Variants in ARHGEF7 observed in about 807,000 individuals in gnomAD.
The protein encoded by ARHGEF7 is PAK-interacting exchange factor beta.
A neutral mutation model predicts 109.8 loss-of-function variants in ARHGEF7; 33 were observed. The ratio of observed to expected loss-of-function variants is 0.30; its 90% confidence interval spans 0.23 to 0.40. The LOEUF (loss-of-function observed/expected upper bound fraction) is 0.40, where lower values mean the gene tolerates loss of function less well. ARHGEF7 is among the 10% of genes least tolerant of loss of function. The pLI, the probability that ARHGEF7 is intolerant of heterozygous loss-of-function variation, is 1.00. For missense variants in ARHGEF7, 938 were observed against 1,098.5 expected (o/e 0.85, Z 2.07); for synonymous variants, 458 against 424.6 (o/e 1.08, Z -0.97).
rs1222778080 is a variant in ARHGEF7, at chr13:111,221,589, C to CTA, written c.670+3716_670+3717dup. On this transcript the variant is annotated intron_variant, in intron 5 of 21. Coordinates refer to ENST00000646102, the MANE Select transcript of ARHGEF7 (RefSeq NM_001354046.2). The stretch of plus-strand genomic sequence containing the variant: ...TATATAGATACATATCTATATATAT[C>CTA]TATATATAGATATATATCTCCCCTT... 3.5e-4 allele frequency among the ~76,000 whole-genome samples: 24 copies of CTA among 69,440 alleles called. 1 individual carries two copies. Among genetic ancestry groups the CTA allele is most frequent in the East Asian group, 4.8e-3 (1 of 210 alleles). 45.6% of individuals were successfully genotyped at this position (69,440 alleles called of 152,430 possible).
At chr13:111,171,689 G>T (rs749640789) in intron 2 of ARHGEF7, among the ~76,000 whole-genome samples, 3 of 152,174 alleles carry the variant, frequency 2.0e-5, no homozygotes, top group Non-Finnish European at 4.4e-5. Flanking sequence ...GATTTCAAGA[G>T]AAAAAGGAAT....
At chr13:111,177,669 C>T (rs1341985195) in intron 2 of ARHGEF7, among the ~76,000 whole-genome samples, 3 of 152,206 alleles carry the variant, frequency 2.0e-5, no homozygotes, top group Non-Finnish European at 4.4e-5. Context: ...GGGACTGTCA[C>T]TGGGAAGGCC....
chr13:111,173,647 G>A (rs1444106641), intron 2 of ARHGEF7, among the ~76,000 whole-genome samples: 11 of 152,332 alleles, frequency 7.2e-5, no homozygotes, highest in Non-Finnish European at 1.5e-5. Context: ...GCACATTTTG[G>A]ATGTGCTGTT....
intron 5 of ARHGEF7, among the ~76,000 whole-genome samples, chr13:111,226,249 G>A (rs1056878111): frequency 1.3e-5 from 2 of 152,210 alleles, no homozygotes; most frequent in African/African-American, 4.8e-5. Context: ...TAGTGCATGA[G>A]GTTGAAGGAA....
chr13:111,180,268 T>A (rs2078608759), intron 2 of ARHGEF7, among the ~76,000 whole-genome samples: 1 of 152,190 alleles, frequency 6.6e-6, no homozygotes, highest in African/African-American at 2.4e-5. Flanking sequence ...ACTTCTGAGG[T>A]CTGTTTTACT....
intron 1 of ARHGEF7, among the ~76,000 whole-genome samples, chr13:111,126,316 C>T (rs530133110): frequency 1.3e-5 from 2 of 152,266 alleles, no homozygotes; most frequent in East Asian, 3.9e-4. Context: ...CATGGTAAAA[C>T]CCTGTCTCTT....
chr13:111,175,664 C>T (rs560621995), intron 2 of ARHGEF7, among the ~76,000 whole-genome samples: 20 of 152,290 alleles, frequency 1.3e-4, no homozygotes, highest in East Asian at 5.8e-4. Context: ...TTGCCTTGGA[C>T]GTCCTCATAG....
chr13:111,223,612 G>A (rs1161736006), intron 5 of ARHGEF7, among the ~76,000 whole-genome samples: 1 of 152,176 alleles, frequency 6.6e-6, no homozygotes, highest in Non-Finnish European at 1.5e-5. Flanking sequence ...TCTTGTCAAG[G>A]TTCACCGTTG....
intron 13 of ARHGEF7, among the ~76,000 whole-genome samples, chr13:111,279,485 G>A (rs1036618376): frequency 2.6e-5 from 4 of 152,232 alleles, no homozygotes; most frequent in Non-Finnish European, 5.9e-5. Flanking sequence ...TCCGTCTGGA[G>A]GTGCTTATGT....
At chr13:111,202,937 G>A (rs112668705) in intron 2 of ARHGEF7, 3 of 384,204 alleles carry the variant, frequency 7.8e-6, no homozygotes, top group African/African-American at 2.2e-5. Context: ...GAAGTGTGGT[G>A]TGTGTATTCA....
chr13:111,126,970 GAACA>G (rs2067604434), intron 1 of ARHGEF7, among the ~76,000 whole-genome samples: 1 of 152,116 alleles, frequency 6.6e-6, no homozygotes, highest in Non-Finnish European at 1.5e-5. Flanking sequence ...TTACTAGCGA[GAACA>G]AACAAAACTG....
intron 8 of ARHGEF7, among the ~76,000 whole-genome samples, chr13:111,259,322 C>G (rs1020691884): frequency 6.6e-6 from 1 of 152,286 alleles, no homozygotes; most frequent in African/African-American, 2.4e-5. Context: ...AGTGCAGTCC[C>G]AATGGTGGTG....
chr13:111,134,644 GTTTT>G (rs1356052099), intron 1 of ARHGEF7, among the ~76,000 whole-genome samples: 2 of 151,576 alleles, frequency 1.3e-5, no homozygotes, highest in Non-Finnish European at 2.9e-5. Flanking sequence ...GGGGTTGTTT[GTTTT>G]TTTCTTGTAA....
chr13:111,160,527 G>C (rs905016624), intron 2 of ARHGEF7, among the ~76,000 whole-genome samples: 2 of 152,114 alleles, frequency 1.3e-5, no homozygotes, highest in Non-Finnish European at 2.9e-5. Flanking sequence ...ATTGTAATCT[G>C]CATAATCCCC....
chr13:111,155,161 A>G (rs2076216336), intron 2 of ARHGEF7, among the ~76,000 whole-genome samples: 1 of 152,238 alleles, frequency 6.6e-6, no homozygotes, highest in Admixed American at 6.5e-5. Context: ...TTTGGTATCC[A>G]CCGGGATCCT....
chr13:111,173,745 C>T (rs1015495878), intron 2 of ARHGEF7, among the ~76,000 whole-genome samples: 3 of 148,644 alleles, frequency 2.0e-5, no homozygotes, highest in East Asian at 4.1e-4. Context: ...GGAGATGTCT[C>T]GTGTTTGAGG....
At chr13:111,158,940 G>A in intron 2 of ARHGEF7, 1 of 703,422 alleles carries the variant, frequency 1.4e-6, no homozygotes, top group Admixed American at 2.1e-5. Context: ...GTAGTCACCT[G>A]CTGTACAATA....
intron 2 of ARHGEF7, among the ~76,000 whole-genome samples, chr13:111,175,198 C>T (rs1324552367): frequency 6.6e-6 from 1 of 152,228 alleles, no homozygotes; most frequent in Non-Finnish European, 1.5e-5. Context: ...GATAATTCAG[C>T]AGCTGTGCAC....
intron 5 of ARHGEF7, among the ~76,000 whole-genome samples, chr13:111,227,141 A>G (rs1442270875): frequency 6.6e-6 from 1 of 152,266 alleles, no homozygotes; most frequent in African/African-American, 2.4e-5. Context: ...TTGAAATAGA[A>G]TCTACCCTTG....
Sources: gnomAD v4.1 joint callset for allele counts (sites outside exome capture counted in the v4.1 genomes callset) on GRCh38, gnomAD v4.1.1 for gene constraint, MANE v1.5 for transcripts, NCBI Gene and HGNC (gene_info 2026-07-23, HGNC 2026-07-21) for gene names.